RAD21L1: variants seen among roughly 807,000 people sequenced by gnomAD.
The protein encoded by RAD21L1 is RAD21 cohesin complex component like 1, also known as double-strand-break repair protein rad21-like protein 1.
In RAD21L1, 47 loss-of-function variants were observed where a neutral mutation model predicts 69.0. The observed-to-expected ratio is 0.68, with a 90% confidence interval of 0.54 to 0.87. The LOEUF is 0.87. Among genes scored for constraint, RAD21L1 ranks in the 40% least tolerant of loss-of-function variants. The pLI, the probability that RAD21L1 is intolerant of heterozygous loss-of-function variation, is 0.00. For missense variants in RAD21L1, 583 were observed against 647.6 expected, an observed-to-expected ratio of 0.90 and a Z score of 1.08; for synonymous variants, 177 against 205.8, an observed-to-expected ratio of 0.86 and a Z score of 1.20.
intron 3 of RAD21L1, chr20:1,230,572 C>A: frequency 2.7e-6 from 1 of 371,744 alleles, no homozygotes; most frequent in Non-Finnish European, 3.7e-6. Flanking sequence ...AGGTATGGAT[C>A]TTGCCTCTGT....
At position 1,255,468 on chromosome 20, in the gene RAD21L1, A is replaced by C. The variant is rs1337904953; in HGVS notation, c.*1011A>C. 6.6e-6 allele frequency among the ~76,000 whole-genome samples: 1 copy of C among 152,228 alleles called. No homozygotes were observed. The highest frequency in any genetic ancestry group is 6.5e-5 in the Admixed American group (1 of 15,278). ...CAAATGAAGCCTATGGTACTCATTA[A>C]AATGTTGTTATATCTGGAATTATGC... On this transcript the variant is annotated 3_prime_UTR_variant, in exon 14 of 14. Coordinates refer to ENST00000683101, the MANE Select transcript of RAD21L1 (RefSeq NM_001384355.1).
At chr20:1,240,478 T>C in intron 8 of RAD21L1, 44 bp downstream of exon 8, 1 of 1,521,844 alleles carries the variant, frequency 6.6e-7, no homozygotes, top group Non-Finnish European at 8.8e-7. Flanking sequence ...AATACACTGT[T>C]AACTTATTTA....
chr20:1,247,962 A>G (rs79539034), intron 12 of RAD21L1, among the ~76,000 whole-genome samples: 3,246 of 150,482 alleles, frequency 0.022, 148 homozygotes, highest in African/African-American at 0.075. Flanking sequence ...CTGTTCTCAC[A>G]TCATAAGGTG....
intron 8 of RAD21L1, among the ~76,000 whole-genome samples, chr20:1,241,726 C>G (rs1031836147): frequency 6.6e-5 from 10 of 152,186 alleles, no homozygotes; most frequent in Non-Finnish European, 1.3e-4. Context: ...GCCAACCTCT[C>G]CAGTATCTTG....
At chr20:1,252,996 ATAAT>A (rs1452290310) in intron 13 of RAD21L1, among the ~76,000 whole-genome samples, 1 of 152,234 alleles carries the variant, frequency 6.6e-6, no homozygotes, top group Middle Eastern at 3.2e-3. Context: ...GTTTTTCAAA[ATAAT>A]TCTTGAAATT....
intron 2 of RAD21L1, among the ~76,000 whole-genome samples, chr20:1,229,651 T>A (rs12480861): frequency 0.074 from 11,305 of 152,320 alleles, 506 homozygotes; most frequent in East Asian, 0.18. Flanking sequence ...ATTCCTCTCA[T>A]AATACCAATA....
intron 3 of RAD21L1, among the ~76,000 whole-genome samples, 161 bp downstream of exon 3, chr20:1,230,170 G>A (rs979442009): frequency 5.3e-5 from 8 of 152,014 alleles, no homozygotes; most frequent in African/African-American, 1.9e-4. Flanking sequence ...TCATTTCCTT[G>A]CTCTTTTTCT....
intron 1 of RAD21L1, among the ~76,000 whole-genome samples, chr20:1,226,838 A>G (rs1427749806): frequency 6.6e-6 from 1 of 152,244 alleles, no homozygotes; most frequent in Non-Finnish European, 1.5e-5. Context: ...TCAATGTCTC[A>G]GGAATAGCAA....
Position 1,234,124 on chromosome 20 carries a change from C to A in RAD21L1, c.408C>A (p.Ser136Arg). ...DVSEHFTQNQ[S>R]RPEEITLREN... ...CAGAACACTTTACTCAGAACCAAAG[C>A]AGACCAGAAGAAATCACTCTTAGAG... Residue 136 changes from serine (S) to arginine (R), a missense_variant, in exon 5 of 14, where the codon AGC becomes AGA. Ser to Arg is a moderately radical substitution (Grantham distance 110). Coordinates refer to ENST00000683101, the MANE Select transcript of RAD21L1 (RefSeq NM_001384355.1). 2.6e-6 allele frequency: 4 copies of A among 1,545,258 alleles called. No individual in the cohort carries two copies. Among genetic ancestry groups the A allele is most frequent in the Non-Finnish European group, 3.5e-6 (4 of 1,141,748 alleles).
chr20:1,240,549 C>G, intron 8 of RAD21L1, 115 bp downstream of exon 8: 1 of 1,399,450 alleles, frequency 7.1e-7, no homozygotes, highest in South Asian at 1.6e-5. Flanking sequence ...AGTAATAGCA[C>G]TTGTAACACA....
chr20:1,247,402 A>G (rs2087738747), intron 12 of RAD21L1, among the ~76,000 whole-genome samples: 1 of 151,968 alleles, frequency 6.6e-6, no homozygotes, highest in African/African-American at 2.4e-5. Flanking sequence ...TTACATTTCA[A>G]AAACTGCATT....
At chr20:1,247,120 G>A (rs551827737) in intron 12 of RAD21L1, among the ~76,000 whole-genome samples, 2 of 152,220 alleles carry the variant, frequency 1.3e-5, no homozygotes, top group East Asian at 1.9e-4. Flanking sequence ...AGCCAGAAGT[G>A]GGTTAGTTCA....
Position 1,254,563 on chromosome 20 carries a change from A to G in RAD21L1, c.*106A>G. The G allele has an allele frequency of 1.5e-6, 1 of 673,770 alleles. No homozygotes were observed. The highest frequency in any genetic ancestry group is 2.3e-6 in the Non-Finnish European group (1 of 439,300). The allele number at this position is 673,770 out of a possible 1,614,324, so 41.7% of individuals were successfully genotyped here. On this transcript the variant is annotated 3_prime_UTR_variant, in exon 14 of 14. Transcript: ENST00000683101. Reference sequence around the variant, plus strand: ...AGCAGCTGAAGGTCTGATCCATTTCATAGATAGGCTGACCTACTTCCTCTC... The same window carrying G: ...AGCAGCTGAAGGTCTGATCCATTTCGTAGATAGGCTGACCTACTTCCTCTC...
chr20:1,243,067 C>CA (rs1206193651), intron 9 of RAD21L1, 30 bp from the exon 10 acceptor site: 124 of 1,386,300 alleles, frequency 8.9e-5, no homozygotes, highest in Admixed American at 1.3e-4. Flanking sequence ...GGTACAAAAA[C>CA]AAAAAAAACA....
At chr20:1,230,551 T>G (rs926680798) in intron 3 of RAD21L1, 6 of 453,782 alleles carry the variant, frequency 1.3e-5, no homozygotes, top group Non-Finnish European at 1.7e-5. Context: ...TACCTTGTAT[T>G]ATGGCTACTT....
intron 13 of RAD21L1, 129 bp from the exon 14 acceptor site, chr20:1,254,140 C>T (rs575690677): frequency 5.0e-6 from 3 of 605,948 alleles, no homozygotes; most frequent in Non-Finnish European, 8.2e-6. Context: ...TTCCCTTTTT[C>T]CATTTAAGGA....
rs2087581571 is a variant in RAD21L1 at position 1,240,353 on chromosome 20, C to A, written c.775C>A (p.Pro259Thr). The A allele has an allele frequency of 1.9e-6, 3 of 1,548,234 alleles. No individual in the cohort carries two copies. Among genetic ancestry groups the A allele is most frequent in the South Asian group, 2.4e-5 (2 of 83,228 alleles). The change falls in exon 8 of 14, where the codon CCT becomes ACT. Residue 259 changes from proline (P) to threonine (T), a missense_variant. Coordinates refer to ENST00000683101, the MANE Select transcript of RAD21L1 (RefSeq NM_001384355.1). ...AGATAACTCAGAGTGTATATGTGTA[C>A]CTGAAAATGAAAAAATGAATGAAAC... ...EPDNSECICVPENEKMNETIL... is the reference protein window; with the variant it reads ...EPDNSECICVTENEKMNETIL...
chr20:1,251,419 T>C (rs2087830547), intron 13 of RAD21L1, among the ~76,000 whole-genome samples: 2 of 151,790 alleles, frequency 1.3e-5, no homozygotes, highest in South Asian at 4.1e-4. Flanking sequence ...TGTTCTTTTA[T>C]ACAGAAATTT....
intron 13 of RAD21L1, among the ~76,000 whole-genome samples, chr20:1,250,037 G>A (rs923398528): frequency 5.0e-5 from 7 of 141,412 alleles, no homozygotes; most frequent in Non-Finnish European, 3.1e-5. Context: ...CCCGGTGTGT[G>A]TTGTTCGCCT....
Sources: allele counts gnomAD v4.1 joint callset (sites outside exome capture counted in the v4.1 genomes callset), GRCh38; gene constraint gnomAD v4.1.1; transcripts MANE v1.5; gene names NCBI Gene and HGNC (gene_info 2026-07-23, HGNC 2026-07-21).